DENND1B: variants seen among roughly 807,000 people sequenced by gnomAD.
DENND1B encodes the protein DENN domain containing 1B.
In DENND1B, 59 loss-of-function variants were observed where a neutral mutation model predicts 90.1. The observed-to-expected ratio is 0.65, with a 90% confidence interval of 0.53 to 0.81. DENND1B has a LOEUF of 0.81. Ranked by LOEUF, DENND1B falls within the 40% of genes least tolerant of loss-of-function variation. The probability of loss-of-function intolerance (pLI) is 0.00; values close to 1 mark genes in which losing one functional copy is unlikely to be tolerated. For missense variants in DENND1B, 862 were observed against 912.6 expected, an observed-to-expected ratio of 0.94 and a Z score of 0.71; for synonymous variants, 337 against 324.6, an observed-to-expected ratio of 1.04 and a Z score of -0.41.
At chr1:197,624,323 GAC>G (rs1275413563) in intron 10 of DENND1B, among the ~76,000 whole-genome samples, 2 of 151,626 alleles carry the variant, frequency 1.3e-5, no homozygotes, top group African/African-American at 4.8e-5. Context: ...ATGAATAAAA[GAC>G]AGTCTTATCA....
chr1:197,641,074 C>A (rs79196362), intron 10 of DENND1B, among the ~76,000 whole-genome samples: 1 of 152,152 alleles, frequency 6.6e-6, no homozygotes, highest in African/African-American at 2.4e-5. Context: ...TAAATAATTG[C>A]TATTTGTTTG....
intron 7 of DENND1B, among the ~76,000 whole-genome samples, chr1:197,649,570 T>C (rs780478837): frequency 3.3e-5 from 5 of 152,006 alleles, no homozygotes; most frequent in Non-Finnish European, 5.9e-5. Context: ...ACCCAAATAC[T>C]AACAGCCAAC....
intron 3 of DENND1B, among the ~76,000 whole-genome samples, chr1:197,683,372 A>G (rs1311574709): frequency 1.3e-5 from 2 of 152,150 alleles, no homozygotes; most frequent in Non-Finnish European, 2.9e-5. Flanking sequence ...CACTCTGGCT[A>G]TAGTGTGAGA....
chr1:197,681,180 G>T (rs750939405), intron 3 of DENND1B, among the ~76,000 whole-genome samples: 4 of 152,036 alleles, frequency 2.6e-5, no homozygotes, highest in Non-Finnish European at 4.4e-5. Flanking sequence ...CTCTTTTGAA[G>T]ATTTTTTCAT....
At chr1:197,577,980 T>C (rs982942481) in intron 15 of DENND1B, among the ~76,000 whole-genome samples, 4 of 152,196 alleles carry the variant, frequency 2.6e-5, no homozygotes, top group African/African-American at 9.7e-5. Context: ...TAAAAATATA[T>C]ATGTTTTAAC....
intron 20 of DENND1B, among the ~76,000 whole-genome samples, chr1:197,519,553 G>A (rs1252825559): frequency 1.3e-5 from 2 of 151,874 alleles, no homozygotes; most frequent in Non-Finnish European, 2.9e-5. Context: ...TCTAGTAAAT[G>A]AGACATGAAT....
At chr1:197,621,901 C>A (rs566064520) in intron 10 of DENND1B, among the ~76,000 whole-genome samples, 2 of 151,498 alleles carry the variant, frequency 1.3e-5, no homozygotes, top group South Asian at 4.1e-4. Context: ...TTAAAATGCA[C>A]ATATATTTTC....
chr1:197,561,655 G>C (rs976549290), intron 15 of DENND1B, among the ~76,000 whole-genome samples: 1 of 151,548 alleles, frequency 6.6e-6, no homozygotes, highest in African/African-American at 2.4e-5. Flanking sequence ...ATCTCCAATA[G>C]ATATCTTGAC....
At chr1:197,642,013 T>C (rs1216263498) in intron 10 of DENND1B, among the ~76,000 whole-genome samples, 2 of 152,096 alleles carry the variant, frequency 1.3e-5, no homozygotes, top group African/African-American at 4.8e-5. Context: ...AATTTGTATT[T>C]AAAAATTTAA....
chr1:197,747,757 C>T (rs1306252345), intron 2 of DENND1B, among the ~76,000 whole-genome samples: 1 of 152,188 alleles, frequency 6.6e-6, no homozygotes, highest in Non-Finnish European at 1.5e-5. Flanking sequence ...ACTTGGGTTT[C>T]CTACACTCAG....
intron 12 of DENND1B, among the ~76,000 whole-genome samples, chr1:197,608,975 C>A (rs1311376472): frequency 6.7e-6 from 1 of 150,024 alleles, no homozygotes; most frequent in Admixed American, 6.7e-5. Flanking sequence ...TAGAGTGTAA[C>A]AAATTTTTTT....
At chr1:197,637,004 A>C (rs1041382412) in intron 10 of DENND1B, among the ~76,000 whole-genome samples, 2 of 152,128 alleles carry the variant, frequency 1.3e-5, no homozygotes, top group Non-Finnish European at 2.9e-5. Flanking sequence ...GGAAGAGAAA[A>C]ACTTGCCTAA....
At chr1:197,717,004 T>C (rs998119492) in intron 2 of DENND1B, among the ~76,000 whole-genome samples, 1 of 151,940 alleles carries the variant, frequency 6.6e-6, no homozygotes, top group Admixed American at 6.6e-5. Flanking sequence ...GAAAACTGCA[T>C]CTATTGGTTT....
chr1:197,736,178 C>T lies in DENND1B; in HGVS notation c.83-21104G>A, dbSNP rs1037612354. The T allele has an allele frequency of 6.0e-6, 3 of 503,336 alleles. No individual in the cohort carries two copies. In the African/African-American group the frequency reaches 6.1e-5, roughly 10 times the overall value. 31.2% of individuals were successfully genotyped at this position (503,336 alleles called of 1,614,324 possible). On this transcript the variant is annotated intron_variant, in intron 2 of 22. Coordinates refer to ENST00000620048, the MANE Select transcript of DENND1B (RefSeq NM_001195215.2). Reference sequence around the variant, plus strand: ...AAAAAAGAAAATATAGGTTGGAATACTGCAAAACAACCCACTCTTTTGATT... The same window carrying T: ...AAAAAAGAAAATATAGGTTGGAATATTGCAAAACAACCCACTCTTTTGATT...
rs572895789 is a variant in DENND1B, at chr1:197,598,179, T to C, written c.922-2846A>G. Reference sequence around the variant, plus strand: ...TATTTCTCCTTTGCCTCTTTCTACATTATTTCAACTTTTACAAATTACATA... The same window carrying C: ...TATTTCTCCTTTGCCTCTTTCTACACTATTTCAACTTTTACAAATTACATA... On this transcript the variant is annotated intron_variant, in intron 13 of 22. Coordinates refer to ENST00000620048, the MANE Select transcript of DENND1B (RefSeq NM_001195215.2). Among the ~76,000 whole-genome samples, 348 of 151,938 alleles carry C rather than the reference T, an allele frequency of 2.3e-3. 2 individuals carry two copies. Among genetic ancestry groups the C allele is most frequent in the South Asian group, 5.6e-3 (27 of 4,820 alleles).
At chr1:197,685,721 C>A (rs1049067473) in intron 3 of DENND1B, 2 of 151,494 alleles carry the variant, frequency 1.3e-5, no homozygotes, top group Non-Finnish European at 2.9e-5. Context: ...GTTGTAAGAA[C>A]TACTGCACTC....
intron 3 of DENND1B, among the ~76,000 whole-genome samples, chr1:197,683,868 C>A (rs112467574): frequency 3.0e-4 from 46 of 152,282 alleles, no homozygotes; most frequent in African/African-American, 1.1e-3. Context: ...TAGTTAGCAA[C>A]CAGATCAATG....
At chr1:197,742,410 C>G (rs1663298658) in intron 2 of DENND1B, among the ~76,000 whole-genome samples, 1 of 152,132 alleles carries the variant, frequency 6.6e-6, no homozygotes, top group Non-Finnish European at 1.5e-5. Context: ...AAGATAACAT[C>G]TCTGACTTTA....
At chr1:197,764,618 G>A (rs893667795) in intron 2 of DENND1B, among the ~76,000 whole-genome samples, 1 of 152,084 alleles carries the variant, frequency 6.6e-6, no homozygotes, top group Non-Finnish European at 1.5e-5. Flanking sequence ...GGCAGTTACA[G>A]ATACATTTGA....
Sources: allele counts gnomAD v4.1 joint callset (sites outside exome capture counted in the v4.1 genomes callset), GRCh38; gene constraint gnomAD v4.1.1; transcripts MANE v1.5; gene names NCBI Gene and HGNC (gene_info 2026-07-23, HGNC 2026-07-21).